The following ST6GALNAC3 variants were observed in gnomAD, a reference collection of about 807,000 sequenced individuals.
ST6GALNAC3 encodes the protein ST6 N-acetylgalactosaminide alpha-2,6-sialyltransferase 3.
In ST6GALNAC3, 25 loss-of-function variants were observed where a neutral mutation model predicts 32.7. The ratio of observed to expected loss-of-function variants is 0.76; its 90% CI spans 0.56 to 1.07. ST6GALNAC3 has a LOEUF of 1.07. Among genes scored for constraint, ST6GALNAC3 ranks in the 50% least tolerant of loss-of-function variants. The pLI is 0.00. For synonymous variants in ST6GALNAC3, 129 were observed against 133.1 expected (o/e 0.97, Z 0.21); for missense variants, 355 against 382.4 (o/e 0.93, Z 0.60).
intron 3 of ST6GALNAC3, among the ~76,000 whole-genome samples, chr1:76,495,652 A>G (rs1660806509): frequency 6.6e-6 from 1 of 152,084 alleles, no homozygotes; most frequent in South Asian, 2.1e-4. Context: ...ATAAACTTTT[A>G]AATCAATAGG....
intron 3 of ST6GALNAC3, among the ~76,000 whole-genome samples, chr1:76,525,731 G>C (rs1662827504): frequency 7.0e-6 from 1 of 142,272 alleles, no homozygotes; most frequent in Non-Finnish European, 1.5e-5. Flanking sequence ...ATATGTGTGT[G>C]TATATGTATA....
chr1:76,486,715 G>A (rs1375582393), intron 3 of ST6GALNAC3, among the ~76,000 whole-genome samples: 3 of 152,084 alleles, frequency 2.0e-5, no homozygotes, highest in African/African-American at 7.2e-5. Context: ...GGGGCATTTA[G>A]CCCATTTACA....
At chr1:76,477,550 C>A (rs985849179) in intron 3 of ST6GALNAC3, among the ~76,000 whole-genome samples, 3 of 152,158 alleles carry the variant, frequency 2.0e-5, no homozygotes, top group African/African-American at 7.2e-5. Flanking sequence ...CCAATCCAGT[C>A]ATGAGGGATG....
intron 3 of ST6GALNAC3, among the ~76,000 whole-genome samples, chr1:76,432,857 G>T (rs1163567022): frequency 6.6e-6 from 1 of 152,270 alleles, no homozygotes; most frequent in East Asian, 1.9e-4. Flanking sequence ...ACCATCAAAA[G>T]ATGTTTTCGG....
intron 2 of ST6GALNAC3, among the ~76,000 whole-genome samples, chr1:76,325,157 C>A (rs1311253699): frequency 1.3e-5 from 2 of 152,136 alleles, no homozygotes; most frequent in Non-Finnish European, 2.9e-5. Flanking sequence ...ATGGAGAAGA[C>A]CATAGGAGAA....
At chr1:76,446,360 T>A (rs1656966847) in intron 3 of ST6GALNAC3, among the ~76,000 whole-genome samples, 2 of 152,134 alleles carry the variant, frequency 1.3e-5, no homozygotes, top group Non-Finnish European at 2.9e-5. Flanking sequence ...ATGCAAAGTG[T>A]ATGTGAGCAT....
At chr1:76,106,639 C>T (rs1647555794) in intron 1 of ST6GALNAC3, among the ~76,000 whole-genome samples, 2 of 152,102 alleles carry the variant, frequency 1.3e-5, no homozygotes, top group East Asian at 1.9e-4. Context: ...TCATCAGCAA[C>T]AACATACTTT....
intron 2 of ST6GALNAC3, among the ~76,000 whole-genome samples, chr1:76,340,140 A>C (rs1647837950): frequency 6.6e-6 from 1 of 152,192 alleles, no homozygotes; most frequent in Non-Finnish European, 1.5e-5. Context: ...AACACTATGC[A>C]AGTATTTAGT....
In ST6GALNAC3 at chr1:76,099,093, T is replaced by G. The variant is rs111757336; in HGVS notation, c.18+24209T>G. Among the ~76,000 whole-genome samples, 969 of 152,244 alleles carry G rather than the reference T, an allele frequency of 6.4e-3. 13 individuals carry two copies. The highest frequency in any genetic ancestry group is 0.022 in the African/African-American group (922 of 41,546). On this transcript the variant is annotated intron_variant, in intron 1 of 4. Coordinates refer to ENST00000328299, the MANE Select transcript of ST6GALNAC3 (RefSeq NM_152996.4). ...TGTTTGAGTCTTTTTCTGGATATGT[T>G]GCTAAATTCTAGTGATCCATTGATC...
At chr1:76,281,717 G>A (rs2100788351) in intron 1 of ST6GALNAC3, among the ~76,000 whole-genome samples, 1 of 152,274 alleles carries the variant, frequency 6.6e-6, no homozygotes, top group African/African-American at 2.4e-5. Flanking sequence ...CAAGTGTTTG[G>A]TCCTTGGGAA....
At chr1:76,249,286 A>G (rs1401935698) in intron 1 of ST6GALNAC3, among the ~76,000 whole-genome samples, 1 of 152,052 alleles carries the variant, frequency 6.6e-6, no homozygotes, top group Non-Finnish European at 1.5e-5. Flanking sequence ...CTGCCAATCT[A>G]CTTTCTGTCT....
chr1:76,395,148 A>C (rs898561600), intron 2 of ST6GALNAC3, among the ~76,000 whole-genome samples: 9 of 152,128 alleles, frequency 5.9e-5, no homozygotes, highest in African/African-American at 1.9e-4. Flanking sequence ...GTTCCAAAAA[A>C]TGTAAAGGAG....
intron 3 of ST6GALNAC3, among the ~76,000 whole-genome samples, chr1:76,595,039 G>A (rs1440234455): frequency 6.6e-6 from 1 of 152,136 alleles, no homozygotes; most frequent in East Asian, 1.9e-4. Context: ...AAGGAGAGCT[G>A]TTTTGCCAGG....
intron 3 of ST6GALNAC3, among the ~76,000 whole-genome samples, chr1:76,479,756 T>C (rs1363639433): frequency 6.6e-6 from 1 of 152,150 alleles, no homozygotes; most frequent in Non-Finnish European, 1.5e-5. Flanking sequence ...TTCCAACAGA[T>C]GAACTTTGGG....
chr1:76,584,491 G>A lies in ST6GALNAC3; in HGVS notation c.624-42961G>A, dbSNP rs532487929. Among the ~76,000 whole-genome samples the A allele has an allele frequency of 2.6e-5, 4 of 152,298 alleles. No homozygotes were observed. The East Asian group carries it at 5.8e-4, about 22-fold the overall frequency. ...TTTTTAAAGCCATGATTTCATAATT[G>A]TAGGGTTCCAGGAAAACATCCTCTT... On this transcript the variant is annotated intron_variant, in intron 3 of 4. Transcript: ENST00000328299.
At chr1:76,077,838 G>A (rs1238619006) in intron 1 of ST6GALNAC3, among the ~76,000 whole-genome samples, 1 of 152,142 alleles carries the variant, frequency 6.6e-6, no homozygotes, top group East Asian at 1.9e-4. Flanking sequence ...TAATCAATAT[G>A]CCAAAGTGAT....
chr1:76,559,567 C>A (rs1411468546), intron 3 of ST6GALNAC3, among the ~76,000 whole-genome samples: 2 of 152,126 alleles, frequency 1.3e-5, no homozygotes, highest in Admixed American at 6.6e-5. Flanking sequence ...AGGGTACCAT[C>A]AAGAAAATGA....
chr1:76,377,426 A>G (rs1651323573), intron 2 of ST6GALNAC3, among the ~76,000 whole-genome samples: 1 of 151,346 alleles, frequency 6.6e-6, no homozygotes, highest in African/African-American at 2.4e-5. Context: ...CTGTGGTGGG[A>G]GGGCAAAGGG....
At chr1:76,302,719 G>A (rs894437851) in intron 1 of ST6GALNAC3, among the ~76,000 whole-genome samples, 1 of 151,898 alleles carries the variant, frequency 6.6e-6, no homozygotes, top group African/African-American at 2.4e-5. Flanking sequence ...CCCAATTTTA[G>A]GTAAGAAAAC....
Sources: allele counts gnomAD v4.1 joint callset (sites outside exome capture counted in the v4.1 genomes callset), GRCh38; gene constraint gnomAD v4.1.1; transcripts MANE v1.5; gene names NCBI Gene and HGNC (gene_info 2026-07-23, HGNC 2026-07-21).